Variants in NKAIN3 observed in about 807,000 individuals in gnomAD.
NKAIN3 encodes sodium/potassium-transporting ATPase subunit beta-1-interacting protein 3.
In NKAIN3, 25 loss-of-function variants were observed where a neutral mutation model predicts 30.2. The observed-to-expected ratio is 0.83, with a 90% CI of 0.60 to 1.16. NKAIN3 has a LOEUF of 1.16. NKAIN3 is among the 50% of genes most tolerant of loss of function. The pLI is 0.00. For synonymous variants in NKAIN3, 91 were observed against 89.6 expected, an observed-to-expected ratio of 1.02 and a Z score of -0.09; for missense variants, 225 against 254.1, an observed-to-expected ratio of 0.89 and a Z score of 0.78.
At chr8:62,779,457 T>C (rs1817289979) in intron 4 of NKAIN3, among the ~76,000 whole-genome samples, 1 of 152,102 alleles carries the variant, frequency 6.6e-6, no homozygotes, top group Non-Finnish European at 1.5e-5. Context: ...AGCTGAGTTT[T>C]TTCCAGTGTT....
intron 1 of NKAIN3, among the ~76,000 whole-genome samples, chr8:62,389,483 G>A (rs1817523148): frequency 6.6e-6 from 1 of 152,196 alleles, no homozygotes; most frequent in African/African-American, 2.4e-5. Context: ...TCTCAGGGCA[G>A]CCTCTGTCAC....
chr8:62,783,546 G>T (rs1817423196), intron 4 of NKAIN3, among the ~76,000 whole-genome samples: 1 of 151,218 alleles, frequency 6.6e-6, no homozygotes. Flanking sequence ...TAGCAACCAA[G>T]TTGACCTGAC....
intron 1 of NKAIN3, among the ~76,000 whole-genome samples, chr8:62,258,624 C>T (rs1197774194): frequency 6.6e-6 from 1 of 152,016 alleles, no homozygotes; most frequent in Non-Finnish European, 1.5e-5. Flanking sequence ...GGTGCCACTG[C>T]ACTCTGGCCT....
chr8:62,585,460 G>A (rs1810439497), intron 2 of NKAIN3, among the ~76,000 whole-genome samples: 1 of 152,106 alleles, frequency 6.6e-6, no homozygotes, highest in Admixed American at 6.6e-5. Flanking sequence ...GTGTACCTTA[G>A]GGCAGCCATT....
chr8:62,859,138 G>T (rs931352560), intron 4 of NKAIN3, among the ~76,000 whole-genome samples: 6 of 152,140 alleles, frequency 3.9e-5, no homozygotes, highest in Admixed American at 2.6e-4. Context: ...GGTTTCCCAG[G>T]GTCGCACAAT....
chr8:62,409,082 C>T (rs867836935), intron 1 of NKAIN3, among the ~76,000 whole-genome samples: 7 of 152,228 alleles, frequency 4.6e-5, no homozygotes, highest in East Asian at 1.9e-4. Flanking sequence ...TTTTTTCATG[C>T]GCTTATATAA....
rs1046154337 is a variant in NKAIN3, at chr8:62,972,574, G to C, written c.*7167G>C. The stretch of plus-strand genomic sequence containing the variant: ...TTTACGTGCTTCTCAGTTGACATTT[G>C]TGAAGGCAGATTATACACATGAGAC... On this transcript the variant is annotated 3_prime_UTR_variant, in exon 7 of 7. Coordinates refer to ENST00000623646, the MANE Select transcript of NKAIN3 (RefSeq NM_001304533.3). 6.6e-6 allele frequency among the ~76,000 whole-genome samples: 1 copy of C among 152,086 alleles called. No homozygotes were observed. The highest frequency in any genetic ancestry group is 6.6e-5 in the Admixed American group (1 of 15,246).
At chr8:62,581,497 C>T (rs1810291095) in intron 2 of NKAIN3, among the ~76,000 whole-genome samples, 1 of 152,196 alleles carries the variant, frequency 6.6e-6, no homozygotes, top group African/African-American at 2.4e-5. Context: ...GCACTATTCA[C>T]ATAACTGCTG....
chr8:62,373,114 G>A (rs1816959861), intron 1 of NKAIN3, among the ~76,000 whole-genome samples: 1 of 152,072 alleles, frequency 6.6e-6, no homozygotes, highest in South Asian at 2.1e-4. Flanking sequence ...GCATTATGTA[G>A]CTATTTAAGG....
At chr8:62,904,857 C>T (rs577542336) in intron 4 of NKAIN3, among the ~76,000 whole-genome samples, 2 of 152,296 alleles carry the variant, frequency 1.3e-5, no homozygotes, top group African/African-American at 4.8e-5. Flanking sequence ...TAAGTATAAT[C>T]ACCATGCGAA....
chr8:62,399,835 A>G (rs1174538113), intron 1 of NKAIN3, among the ~76,000 whole-genome samples: 1 of 152,218 alleles, frequency 6.6e-6, no homozygotes, highest in Non-Finnish European at 1.5e-5. Flanking sequence ...TTATCAAAAC[A>G]TCAGCTAACA....
At chr8:62,638,524 C>A (rs957287955) in intron 3 of NKAIN3, among the ~76,000 whole-genome samples, 1 of 152,146 alleles carries the variant, frequency 6.6e-6, no homozygotes, top group Non-Finnish European at 1.5e-5. Flanking sequence ...GTGATTGAAA[C>A]GTCTACATGC....
At chr8:62,427,577 ATCT>A (rs1239717236) in intron 1 of NKAIN3, among the ~76,000 whole-genome samples, 3 of 152,022 alleles carry the variant, frequency 2.0e-5, no homozygotes, top group Admixed American at 6.6e-5. Flanking sequence ...TTATTAGTAA[ATCT>A]TCTACTCATA....
chr8:62,608,467 T>C (rs527860232), intron 3 of NKAIN3, among the ~76,000 whole-genome samples: 3 of 152,312 alleles, frequency 2.0e-5, no homozygotes, highest in South Asian at 4.1e-4. Flanking sequence ...TTTAAAACTT[T>C]ATGTTGAAAA....
At chr8:62,917,465 T>C (rs1822142690) in intron 4 of NKAIN3, among the ~76,000 whole-genome samples, 1 of 152,186 alleles carries the variant, frequency 6.6e-6, no homozygotes, top group African/African-American at 2.4e-5. Flanking sequence ...CAGGGCTTCT[T>C]GGCCTTTGTC....
intron 1 of NKAIN3, among the ~76,000 whole-genome samples, chr8:62,456,820 A>T (rs1380521989): frequency 1.3e-5 from 2 of 152,258 alleles, no homozygotes; most frequent in Non-Finnish European, 2.9e-5. Context: ...GGCTTAGATC[A>T]GGTGATAAAT....
At position 62,976,553 on chromosome 8, in the gene NKAIN3, C is replaced by A. The variant is rs1353617221; in HGVS notation, c.*11146C>A. On this transcript the variant is annotated 3_prime_UTR_variant, in exon 7 of 7. Coordinates refer to ENST00000623646, the MANE Select transcript of NKAIN3 (RefSeq NM_001304533.3). ...ATTTGCCTGGTAAATATCTCTCCAT[C>A]CTTTTATTTTGAGCCTATGTGTGTC... Among the ~76,000 whole-genome samples, 1 of 152,072 alleles carries A rather than the reference C, an allele frequency of 6.6e-6. No individual in the cohort carries two copies. The highest frequency in any genetic ancestry group is 1.5e-5 in the Non-Finnish European group (1 of 68,022).
intron 3 of NKAIN3, among the ~76,000 whole-genome samples, chr8:62,704,687 A>G (rs1320457319): frequency 6.6e-6 from 1 of 152,206 alleles, no homozygotes; most frequent in Non-Finnish European, 1.5e-5. Context: ...TCCACCTGGA[A>G]CAAAAGCCAG....
intron 1 of NKAIN3, among the ~76,000 whole-genome samples, chr8:62,494,383 G>T (rs1443873111): frequency 6.6e-6 from 1 of 152,138 alleles, no homozygotes; most frequent in Non-Finnish European, 1.5e-5. Context: ...ACTTGATCAT[G>T]GTGGATTATC....
Sources: allele counts gnomAD v4.1 joint callset (sites outside exome capture counted in the v4.1 genomes callset), GRCh38; gene constraint gnomAD v4.1.1; transcripts MANE v1.5; gene names NCBI Gene and HGNC (gene_info 2026-07-23, HGNC 2026-07-21).